The following HSP90AA1 variants were observed in gnomAD, a reference collection of about 807,000 sequenced individuals.
HSP90AA1 encodes the protein heat shock protein HSP 90-alpha.
HSP90AA1 carries 18 observed loss-of-function variants against 73.3 expected under a neutral mutation model. The observed-to-expected ratio is 0.25, with a 90% CI of 0.17 to 0.36. HSP90AA1 has a LOEUF of 0.36. HSP90AA1 is among the 10% of genes least tolerant of loss of function. The pLI is 1.00. For missense variants in HSP90AA1, 704 were observed against 874.2 expected (o/e 0.81, Z 2.45); for synonymous variants, 477 against 296.9 (o/e 1.61, Z -6.24).
chr14:102,133,485 C>CT (rs34704566), intron 1 of HSP90AA1, among the ~76,000 whole-genome samples: 108,001 of 134,298 alleles, frequency 0.8, 43,692 homozygotes, highest in East Asian at 0.94. Flanking sequence ...TAAACTAGTT[C>CT]TTTTTTTTTT....
chr14:102,086,873 G>A (rs2049253891), intron 1 of HSP90AA1, 113 bp downstream of exon 1: 4 of 556,594 alleles, frequency 7.2e-6, no homozygotes, highest in Non-Finnish European at 6.8e-6. Flanking sequence ...CCGGGAGCGC[G>A]GCCCTGGCTG....
upstream of HSP90AA1, among the ~76,000 whole-genome samples, chr14:102,089,521 C>T (rs567399791): frequency 2.6e-5 from 4 of 152,352 alleles, no homozygotes; most frequent in African/African-American, 9.6e-5. Flanking sequence ...TGTTCCTTCT[C>T]TCTTCTCAGA....
chr14:102,134,425 G>A (rs932792011), intron 1 of HSP90AA1, among the ~76,000 whole-genome samples: 26 of 151,808 alleles, frequency 1.7e-4, no homozygotes, highest in African/African-American at 5.8e-4. Context: ...CTGGTGTATC[G>A]TGTCAGGAAT....
intron 1 of HSP90AA1, among the ~76,000 whole-genome samples, chr14:102,138,565 C>A (rs1324406549): frequency 6.6e-6 from 1 of 151,868 alleles, no homozygotes. Flanking sequence ...TGTATTACTA[C>A]ATCATTGGCA....
At chr14:102,102,943 C>T (rs1426127264) in intron 1 of HSP90AA1, among the ~76,000 whole-genome samples, 1 of 151,962 alleles carries the variant, frequency 6.6e-6, no homozygotes, top group Non-Finnish European at 1.5e-5. Context: ...CTTTGGGAGG[C>T]CGAGGTGGGC....
chr14:102,115,131 A>G (rs975353007), intron 1 of HSP90AA1, among the ~76,000 whole-genome samples: 1 of 75,930 alleles, frequency 1.3e-5, no homozygotes, highest in Non-Finnish European at 4.0e-5. Context: ...TGGGCCACAG[A>G]GCAAGAAAAA....
At chr14:102,113,799 C>A (rs528967815) in intron 1 of HSP90AA1, among the ~76,000 whole-genome samples, 1 of 152,200 alleles carries the variant, frequency 6.6e-6, no homozygotes, top group Admixed American at 6.5e-5. Context: ...CAAGCTCTGG[C>A]TCCCAGGTTC....
At chr14:102,124,870 G>A (rs1374688711) in intron 1 of HSP90AA1, among the ~76,000 whole-genome samples, 2 of 152,138 alleles carry the variant, frequency 1.3e-5, no homozygotes, top group Non-Finnish European at 2.9e-5. Context: ...TAAGTCCAGT[G>A]CTCTTTTTTG....
chr14:102,095,219 C>T (rs1469779284), intron 2 of HSP90AA1, among the ~76,000 whole-genome samples: 19 of 152,138 alleles, frequency 1.2e-4, no homozygotes, highest in Admixed American at 1.2e-3. Context: ...AGACGGTTCC[C>T]AGGATGGCAG....
At position 102,102,207 on chromosome 14, in the gene HSP90AA1, A is replaced by G. The variant is rs1381420867; in HGVS notation, c.156-122T>C. The G allele has an allele frequency of 6.4e-6, 5 of 781,886 alleles. No individual in the cohort carries two copies. In the African/African-American group the frequency reaches 6.7e-5, roughly 11 times the overall value. The allele number at this position is 781,886 out of a possible 1,614,324, so 48.4% of individuals were successfully genotyped here. A position where few individuals can be genotyped will look rare whatever the true frequency, so the allele number is the denominator to read the frequency against. On this transcript the variant is annotated intron_variant, in intron 1 of 11. Coordinates refer to the HSP90AA1 transcript ENST00000334701. ...CTGGCTTCCTTAGACTTCCTCTGTG[A>G]CTGTCAAATGGATTAAAATATGTGA...
chr14:102,130,773 A>G (rs879832889), intron 1 of HSP90AA1, among the ~76,000 whole-genome samples: 13 of 152,262 alleles, frequency 8.5e-5, no homozygotes, highest in Admixed American at 8.5e-4. Context: ...TCTGTTGCCC[A>G]GGCTGGAGTG....
At position 102,102,886 on chromosome 14, in the gene HSP90AA1, A is replaced by T. The variant is rs182827190; in HGVS notation, c.156-801T>A. Among the ~76,000 whole-genome samples, 684 of 151,986 alleles carry T rather than the reference A, an allele frequency of 4.5e-3. 4 individuals are homozygous for T. The highest frequency in any genetic ancestry group is 6.9e-3 in the Admixed American group (105 of 15,254). ...CCCCCCAAAAAAGAAACAAAATAAA[A>T]AGAAGTGGGGGGCCAGGTGCAGTGA... On this transcript the variant is annotated intron_variant, in intron 1 of 11. Coordinates refer to the HSP90AA1 transcript ENST00000334701.
chr14:102,084,245 C>G (rs2049168328), intron 6 of HSP90AA1, 154 bp downstream of exon 6: 1 of 729,968 alleles, frequency 1.4e-6, no homozygotes, highest in South Asian at 1.7e-5. Flanking sequence ...GGGGTTTCAC[C>G]ATGTTGCCCA....
chr14:102,085,024 T>A, intron 4 of HSP90AA1, 26 bp from the exon 5 acceptor site: 1 of 1,613,914 alleles, frequency 6.2e-7, no homozygotes, highest in East Asian at 2.2e-5. Context: ...CGAAATCACA[T>A]CACTGCTGCA....
At chr14:102,109,315 T>G (rs911671558) in intron 1 of HSP90AA1, among the ~76,000 whole-genome samples, 1 of 152,208 alleles carries the variant, frequency 6.6e-6, no homozygotes. Context: ...CTGATACGGT[T>G]TGGCTGTGTC....
chr14:102,121,340 T>C (rs752152580), intron 1 of HSP90AA1, among the ~76,000 whole-genome samples: 5 of 152,234 alleles, frequency 3.3e-5, no homozygotes, highest in Non-Finnish European at 7.3e-5. Flanking sequence ...ACTTAGATTA[T>C]TGCCAATTTT....
intron 1 of HSP90AA1, among the ~76,000 whole-genome samples, chr14:102,116,256 A>T (rs2049705493): frequency 6.6e-6 from 1 of 152,126 alleles, no homozygotes; most frequent in African/African-American, 2.4e-5. Flanking sequence ...CCCGGCCAAG[A>T]CCGAGCATCT....
At chr14:102,104,545 T>C (rs1047952709) in intron 1 of HSP90AA1, among the ~76,000 whole-genome samples, 2 of 152,124 alleles carry the variant, frequency 1.3e-5, no homozygotes, top group Admixed American at 1.3e-4. Context: ...GTATGTAATG[T>C]GCAATGACCA....
rs182380720 is a variant in HSP90AA1 at position 102,110,740 on chromosome 14, C to T, written c.156-8655G>A. Among the ~76,000 whole-genome samples, 117 of 152,194 alleles carry T rather than the reference C, an allele frequency of 7.7e-4. No individual in the cohort carries two copies. In the East Asian group the frequency reaches 0.015, roughly 19 times the overall value. On this transcript the variant is annotated intron_variant, in intron 1 of 11. Coordinates refer to the HSP90AA1 transcript ENST00000334701. ...GACTACAGGTGCCCCCCACCACGCC[C>T]GGCTAATTTTTTTCTATTTTTTAGT...
Sources: gnomAD v4.1 joint callset for allele counts (sites outside exome capture counted in the v4.1 genomes callset) on GRCh38, gnomAD v4.1.1 for gene constraint, MANE v1.5 for transcripts, NCBI Gene and HGNC (gene_info 2026-07-23, HGNC 2026-07-21) for gene names.